The following PRKCH variants were observed in gnomAD, a reference collection of about 807,000 sequenced individuals.
The protein encoded by PRKCH is protein kinase C eta type.
Under a neutral mutation model 82.5 loss-of-function variants are expected in PRKCH, and 28 were observed. The ratio of observed to expected loss-of-function variants is 0.34; its 90% confidence interval spans 0.25 to 0.47. The LOEUF (loss-of-function observed/expected upper bound fraction) is 0.47, where lower values mean the gene tolerates loss of function less well. Ranked by LOEUF, PRKCH falls within the 20% of genes least tolerant of loss-of-function variation. PRKCH has a pLI of 1.00. For synonymous variants in PRKCH, 322 were observed against 327.4 expected, an observed-to-expected ratio of 0.98 and a Z score of 0.18; for missense variants, 705 against 881.8, an observed-to-expected ratio of 0.80 and a Z score of 2.54.
chr14:61,437,649 G>A lies in PRKCH; in HGVS notation c.428-5462G>A, dbSNP rs542816470. On this transcript the variant is annotated intron_variant, in intron 2 of 13. Transcript: ENST00000332981. ...TTCTAGGGATACCAGGAGACCTGGT[G>A]TTAATAAAGGGCACAGTGCAGGGTG... 5.3e-5 allele frequency among the ~76,000 whole-genome samples: 8 copies of A among 152,190 alleles called. No homozygotes were observed. In the South Asian group the frequency reaches 1.7e-3, roughly 32 times the overall value.
chr14:61,322,357 G>A lies in PRKCH; in HGVS notation c.256G>A (p.Val86Ile), dbSNP rs2045637779. The change falls in exon 1 of 14, where the codon GTC (valine) becomes ATC (isoleucine). Residue 86 changes from valine (V) to isoleucine (I), a missense_variant. Val to Ile is a conservative substitution (Grantham distance 29). Coordinates refer to ENST00000332981, the MANE Select transcript of PRKCH (RefSeq NM_006255.5). ...VTDGGHLELA[V>I]FHETPLGYDH... ...CGACGGCGGCCACCTCGAGTTGGCC[G>A]TCTTCCACGAGACGCCCCTGGGCTA... 2 of 1,613,340 alleles carry A rather than the reference G, an allele frequency of 1.2e-6. No individual in the cohort carries two copies. Among genetic ancestry groups the A allele is most frequent in the Non-Finnish European group, 1.7e-6 (2 of 1,179,922 alleles).
chr14:61,263,035 T>C (rs945028602), intron 1 of PRKCH, among the ~76,000 whole-genome samples: 9 of 152,242 alleles, frequency 5.9e-5, no homozygotes, highest in African/African-American at 1.7e-4. Context: ...TTGGTCCATT[T>C]GTAGCTAGTT....
chr14:61,436,223 G>A (rs1036279952), intron 2 of PRKCH, among the ~76,000 whole-genome samples: 3 of 152,210 alleles, frequency 2.0e-5, no homozygotes, highest in Admixed American at 6.5e-5. Context: ...GCTATGAGCC[G>A]TAGGTCCTAC....
chr14:61,233,112 G>A (rs758544658), intron 1 of PRKCH, among the ~76,000 whole-genome samples: 1 of 152,170 alleles, frequency 6.6e-6, no homozygotes, highest in Non-Finnish European at 1.5e-5. Context: ...CCACCATATG[G>A]TATGAATATG....
intron 10 of PRKCH, among the ~76,000 whole-genome samples, chr14:61,505,390 C>CTTTTTTTTT (rs1333577962): frequency 4.0e-5 from 3 of 74,760 alleles, no homozygotes; most frequent in African/African-American, 9.7e-5. Context: ...CTTTTCTTTT[C>CTTTTTTTTT]TTTTCTTTTT....
intron 2 of PRKCH, among the ~76,000 whole-genome samples, chr14:61,435,675 C>G (rs1330247937): frequency 6.6e-6 from 1 of 151,160 alleles, no homozygotes; most frequent in African/African-American, 2.4e-5. Flanking sequence ...GAGACCTCAT[C>G]TCAATATCAA....
chr14:61,455,396 C>A (rs1436074337), intron 7 of PRKCH, among the ~76,000 whole-genome samples: 2 of 152,204 alleles, frequency 1.3e-5, no homozygotes, highest in Middle Eastern at 3.4e-3. Flanking sequence ...TATATTAGAT[C>A]ATACTAAATC....
chr14:61,544,570 C>CA (rs2043229748), intron 12 of PRKCH: 1 of 152,156 alleles, frequency 6.6e-6, no homozygotes, highest in Non-Finnish European at 1.5e-5. Flanking sequence ...CCCTGGCCTG[C>CA]ACCCCAGATT....
At chr14:61,488,330 A>G (rs1367949803) in intron 10 of PRKCH, among the ~76,000 whole-genome samples, 1 of 152,180 alleles carries the variant, frequency 6.6e-6, no homozygotes. Context: ...GTGTCAATCA[A>G]TCAATAAATC....
chr14:61,221,970 C>T (rs1314942956), intron 1 of PRKCH, among the ~76,000 whole-genome samples: 1 of 152,128 alleles, frequency 6.6e-6, no homozygotes, highest in East Asian at 1.9e-4. Flanking sequence ...CCATGTGACC[C>T]TCATCACCTA....
chr14:61,497,375 C>A (rs1040937119), intron 10 of PRKCH, among the ~76,000 whole-genome samples: 8 of 152,120 alleles, frequency 5.3e-5, no homozygotes, highest in African/African-American at 1.9e-4. Context: ...GCATGTAAAG[C>A]CTTTAGCCCA....
intron 2 of PRKCH, among the ~76,000 whole-genome samples, chr14:61,395,648 T>C (rs2046768180): frequency 6.6e-6 from 1 of 152,180 alleles, no homozygotes; most frequent in South Asian, 2.1e-4. Flanking sequence ...CTTTGCAAAC[T>C]ATAAAGTACT....
At chr14:61,228,354 C>T (rs1287065283) in intron 1 of PRKCH, among the ~76,000 whole-genome samples, 2 of 152,162 alleles carry the variant, frequency 1.3e-5, no homozygotes, top group Non-Finnish European at 1.5e-5. Flanking sequence ...ATGTGTTGCG[C>T]TCTGTTTATA....
intron 1 of PRKCH, chr14:61,326,851 C>T (rs2045703806): frequency 4.5e-6 from 1 of 219,796 alleles, no homozygotes; most frequent in Non-Finnish European, 9.5e-6. Flanking sequence ...TTTTCTGCTG[C>T]TTCTAGAACA....
intron 1 of PRKCH, among the ~76,000 whole-genome samples, chr14:61,301,327 A>G (rs1238154343): frequency 1.3e-5 from 2 of 152,228 alleles, no homozygotes; most frequent in Non-Finnish European, 2.9e-5. Flanking sequence ...TTGGGTTTGA[A>G]CTTTGGAACT....
In PRKCH at chr14:61,385,485, A is replaced by G. The variant is rs1034151110; in HGVS notation, c.364-5740A>G. ...AGAAAAGATGCAGAGGTTTTAGTTC[A>G]TTGCAAGCTCAGCCTGGGTCACTGG... On this transcript the variant is annotated intron_variant, in intron 1 of 13. Coordinates refer to ENST00000332981, the MANE Select transcript of PRKCH (RefSeq NM_006255.5). Among the ~76,000 whole-genome samples, 64 of 152,224 alleles carry G rather than the reference A, an allele frequency of 4.2e-4. 1 individual carries two copies. Among genetic ancestry groups the G allele is most frequent in the Non-Finnish European group, 1.5e-4 (10 of 68,030 alleles).
At chr14:61,324,913 T>TA (rs540807535) in intron 1 of PRKCH, among the ~76,000 whole-genome samples, 13 of 151,684 alleles carry the variant, frequency 8.6e-5, no homozygotes, top group Non-Finnish European at 1.3e-4. Flanking sequence ...ATTACTGACT[T>TA]AAAAAAAAAC....
Position 61,212,604 on chromosome 14 carries a change from T to C in PRKCH, c.-19+24936T>C, listed in dbSNP as rs577602236. ...ATCCATCTAAGTATTTATCTTTCTGTATCTATGTGGTGATACAGTCATCTG... is the reference window on the plus strand; with the variant it reads ...ATCCATCTAAGTATTTATCTTTCTGCATCTATGTGGTGATACAGTCATCTG... On this transcript the variant is annotated intron_variant, in intron 1 of 3. Coordinates refer to the PRKCH transcript ENST00000555185. Among the ~76,000 whole-genome samples, 40 of 152,364 alleles carry C rather than the reference T, an allele frequency of 2.6e-4. No individual in the cohort carries two copies. In the South Asian group the frequency reaches 7.7e-3, roughly 29 times the overall value.
intron 2 of PRKCH, among the ~76,000 whole-genome samples, chr14:61,440,422 C>CA (rs1312631333): frequency 3.3e-5 from 5 of 152,310 alleles, no homozygotes; most frequent in Admixed American, 3.3e-4. Context: ...TACCTCCAAA[C>CA]AAAAACTGAG....
Sources: allele counts gnomAD v4.1 joint callset (sites outside exome capture counted in the v4.1 genomes callset), GRCh38; gene constraint gnomAD v4.1.1; transcripts MANE v1.5; gene names NCBI Gene and HGNC (gene_info 2026-07-23, HGNC 2026-07-21).